Variants in TP53BP1 observed in about 807,000 individuals in gnomAD.
The protein encoded by TP53BP1 is TP53-binding protein 1.
Under a neutral mutation model 200.8 loss-of-function variants are expected in TP53BP1, and 61 were observed. The observed-to-expected ratio is 0.30, with a 90% CI of 0.25 to 0.38. The LOEUF (loss-of-function observed/expected upper bound fraction) is 0.38, where lower values mean the gene tolerates loss of function less well. Among genes scored for constraint, TP53BP1 ranks in the 10% least tolerant of loss-of-function variants. The probability of loss-of-function intolerance (pLI) is 1.00; values close to 1 mark genes in which losing one functional copy is unlikely to be tolerated. For missense variants in TP53BP1, 2,144 were observed against 2,371.9 expected (o/e 0.90, Z 2.00); for synonymous variants, 822 against 844.3 (o/e 0.97, Z 0.46).
At chr15:43,432,813 G>A in intron 16 of TP53BP1, 136 bp from the exon 17 acceptor site, 1 of 939,972 alleles carries the variant, frequency 1.1e-6, no homozygotes, top group Non-Finnish European at 1.5e-6. Context: ...GTAAGGAAGG[G>A]AGAAAGTCAG....
intron 1 of TP53BP1, among the ~76,000 whole-genome samples, chr15:43,502,056 G>A (rs1005662787): frequency 3.9e-5 from 6 of 151,968 alleles, no homozygotes; most frequent in Non-Finnish European, 7.4e-5. Context: ...GCAGTGGCTC[G>A]TGCCTGTAAT....
At chr15:43,452,234 T>C (rs1203860597) in intron 12 of TP53BP1, among the ~76,000 whole-genome samples, 3 of 152,222 alleles carry the variant, frequency 2.0e-5, no homozygotes, top group Non-Finnish European at 4.4e-5. Context: ...GCAACGCTCT[T>C]CTGAATGATT....
At chr15:43,434,091 G>C (rs1469415765) in intron 16 of TP53BP1, among the ~76,000 whole-genome samples, 2 of 152,158 alleles carry the variant, frequency 1.3e-5, no homozygotes, top group African/African-American at 4.8e-5. Context: ...GTATAAATTT[G>C]GTTGTTATAG....
Position 43,499,019 on chromosome 15 carries a change from C to A in TP53BP1, c.-8-6551G>T, listed in dbSNP as rs997420315. ...TTTTGCAAATTAAAAACAACAACAACAAAAAAAAAAAAACAAAACAAACCA... is the reference window on the plus strand; with the variant it reads ...TTTTGCAAATTAAAAACAACAACAAAAAAAAAAAAAAAACAAAACAAACCA... On this transcript the variant is annotated intron_variant, in intron 1 of 27. Coordinates refer to the TP53BP1 transcript ENST00000263801. Among the ~76,000 whole-genome samples the A allele has an allele frequency of 4.8e-3, 678 of 141,398 alleles. 3 individuals are homozygous for A. Among genetic ancestry groups the A allele is most frequent in the Non-Finnish European group, 8.6e-3 (547 of 63,320 alleles). The allele number at this position is 141,398 out of a possible 152,430, so 92.8% of individuals were successfully genotyped here.
In TP53BP1 at chr15:43,406,528, A is replaced by G. The variant is rs1485721882; in HGVS notation, c.*855T>C. ...TCTATGGTTGCTTTCATGCCCTCAC[A>G]GCAAAGGCGAGTAGTTGTGATGGAT... On this transcript the variant is annotated 3_prime_UTR_variant, in exon 28 of 28. Coordinates refer to ENST00000382044, the MANE Select transcript of TP53BP1 (RefSeq NM_001141980.3). The G allele has an allele frequency of 2.2e-6, 1 of 453,092 alleles. No homozygotes were observed. Among genetic ancestry groups the G allele is most frequent in the East Asian group, 6.9e-5 (1 of 14,400 alleles). The allele number at this position is 453,092 out of a possible 1,614,324, so 28.1% of individuals were successfully genotyped here.
intron 24 of TP53BP1, among the ~76,000 whole-genome samples, chr15:43,411,318 T>C (rs1413829726): frequency 1.3e-5 from 2 of 152,214 alleles, no homozygotes; most frequent in Non-Finnish European, 2.9e-5. Flanking sequence ...AAATCAAGTA[T>C]GAAGGTACTA....
At chr15:43,414,167 A>C (rs1242975205) in intron 23 of TP53BP1, 1 of 465,074 alleles carries the variant, frequency 2.2e-6, no homozygotes, top group African/African-American at 2.0e-5. Flanking sequence ...ATATGACGTT[A>C]TATGAACGAG....
intron 24 of TP53BP1, 30 bp downstream of exon 24, chr15:43,413,089 C>A: frequency 6.2e-7 from 1 of 1,609,296 alleles, no homozygotes; most frequent in South Asian, 1.1e-5. Context: ...GCCTATGTGT[C>A]AGAGCTCCCA....
intron 18 of TP53BP1, among the ~76,000 whole-genome samples, chr15:43,422,862 G>A (rs572660202): frequency 1.3e-5 from 2 of 151,830 alleles, no homozygotes; most frequent in South Asian, 2.1e-4. Context: ...AGGCGTGGGA[G>A]TGCACACCTG....
At chr15:43,475,119 C>T (rs1307618090) in intron 9 of TP53BP1, among the ~76,000 whole-genome samples, 1 of 152,020 alleles carries the variant, frequency 6.6e-6, no homozygotes, top group Non-Finnish European at 1.5e-5. Flanking sequence ...ATTTTTTTGC[C>T]TAATAATAGT....
chr15:43,474,512 T>C (rs535302013), intron 10 of TP53BP1, among the ~76,000 whole-genome samples, 161 bp downstream of exon 10: 3 of 151,242 alleles, frequency 2.0e-5, no homozygotes, highest in African/African-American at 7.3e-5. Flanking sequence ...GACAGCACTT[T>C]ACAGTAGGTC....
In TP53BP1 at chr15:43,474,728, G is replaced by C. The variant is rs753242701; in HGVS notation, c.1125C>G (p.Phe375Leu). 1 of 1,613,536 alleles carries C rather than the reference G, an allele frequency of 6.2e-7. No homozygotes were observed. The highest frequency in any genetic ancestry group is 1.3e-5 in the African/African-American group (1 of 75,012). The part of the protein sequence containing the change: ...SDLVAPSPDA[F>L]RSTPFIVPSS... ...TAGGAACGATAAAAGGAGTAGATCG[G>C]AAAGCATCAGGAGAAGGAGCAACAA... Residue 375 changes from phenylalanine to leucine, a missense_variant, in exon 10 of 28, where the codon TTC becomes TTG. Physicochemically the swap from Phe to Leu is conservative, Grantham distance 22 (BLOSUM62 0). This residue lies in a region of TP53BP1 where 1,700 missense variants were observed against 1,710.3 expected (regional missense o/e 0.99). Coordinates refer to ENST00000382044, the MANE Select transcript of TP53BP1 (RefSeq NM_001141980.3).
chr15:43,474,557 C>T (rs140188956), intron 10 of TP53BP1, 116 bp downstream of exon 10: 101 of 611,176 alleles, frequency 1.7e-4, no homozygotes, highest in Non-Finnish European at 2.5e-4. Context: ...TGAGTCCTAC[C>T]GAATTGTGTA....
intron 1 of TP53BP1, among the ~76,000 whole-genome samples, chr15:43,504,135 A>G (rs1179879624): frequency 1.3e-5 from 2 of 152,126 alleles, no homozygotes; most frequent in African/African-American, 4.8e-5. Context: ...CTACAAATCA[A>G]TCAATAAATT....
At chr15:43,421,437 A>G (rs2045395047) in intron 19 of TP53BP1, among the ~76,000 whole-genome samples, 1 of 152,072 alleles carries the variant, frequency 6.6e-6, no homozygotes, top group Non-Finnish European at 1.5e-5. Context: ...AGCACACCCA[A>G]TTTCTGCTAT....
chr15:43,417,920 C>T (rs1356496182), intron 21 of TP53BP1, among the ~76,000 whole-genome samples: 1 of 152,206 alleles, frequency 6.6e-6, no homozygotes, highest in African/African-American at 2.4e-5. Context: ...TGGCTCACTA[C>T]TGTAATCCCA....
intron 24 of TP53BP1, chr15:43,412,687 G>A (rs966161627): frequency 4.2e-6 from 2 of 471,336 alleles, no homozygotes; most frequent in Admixed American, 2.3e-5. Flanking sequence ...ACATGGGTTT[G>A]CTCTAGCAGA....
intron 15 of TP53BP1, among the ~76,000 whole-genome samples, chr15:43,440,246 C>T (rs1269954510): frequency 2.0e-5 from 3 of 152,184 alleles, no homozygotes; most frequent in East Asian, 3.8e-4. Context: ...ATGGACCATA[C>T]ATTCAGTTTG....
At chr15:43,466,918 G>C (rs1167891707) in intron 11 of TP53BP1, among the ~76,000 whole-genome samples, 3 of 152,112 alleles carry the variant, frequency 2.0e-5, no homozygotes, top group Non-Finnish European at 4.4e-5. Context: ...AAAAGAAAAA[G>C]CATAAAGAAC....
Sources: allele counts gnomAD v4.1 joint callset (sites outside exome capture counted in the v4.1 genomes callset), GRCh38; gene constraint gnomAD v4.1.1; regional missense constraint gnomAD v4.1.1; transcripts MANE v1.5; gene names NCBI Gene and HGNC (gene_info 2026-07-23, HGNC 2026-07-21).